The following CSMD1 variants were observed in gnomAD, a reference collection of about 807,000 sequenced individuals.
CSMD1 encodes CUB and Sushi multiple domains 1.
A neutral mutation model predicts 417.5 loss-of-function variants in CSMD1; 213 were observed. The observed-to-expected ratio is 0.51, with a 90% confidence interval of 0.46 to 0.57. The LOEUF is 0.57. Ranked by LOEUF, CSMD1 falls within the 20% of genes least tolerant of loss-of-function variation. The pLI is 0.00. For missense variants in CSMD1, 6,923 were observed against 4,529.7 expected, an observed-to-expected ratio of 1.53 and a Z score of -15.17; for synonymous variants, 2,862 against 1,736.8, an observed-to-expected ratio of 1.65 and a Z score of -16.11.
At chr8:3,750,751 T>C (rs1005867609) in intron 6 of CSMD1, among the ~76,000 whole-genome samples, 7 of 152,130 alleles carry the variant, frequency 4.6e-5, no homozygotes, top group African/African-American at 1.7e-4. Flanking sequence ...TGTGGAGGGC[T>C]GGGTGGCTGG....
intron 1 of CSMD1, among the ~76,000 whole-genome samples, chr8:4,935,943 G>C (rs1336520863): frequency 2.0e-5 from 3 of 152,206 alleles, no homozygotes; most frequent in Non-Finnish European, 4.4e-5. Flanking sequence ...GCTCAGAACA[G>C]TTAGTACTTA....
At chr8:4,280,126 T>C (rs1796699238) in intron 3 of CSMD1, among the ~76,000 whole-genome samples, 1 of 152,204 alleles carries the variant, frequency 6.6e-6, no homozygotes, top group Admixed American at 6.5e-5. Flanking sequence ...ACCGTACACT[T>C]CAAATGTAAA....
chr8:3,614,025 C>A (rs918734112), intron 8 of CSMD1, among the ~76,000 whole-genome samples: 2 of 151,814 alleles, frequency 1.3e-5, no homozygotes, highest in African/African-American at 4.9e-5. Context: ...TCTAGGAAAT[C>A]TATCAAAAAA....
intron 23 of CSMD1, among the ~76,000 whole-genome samples, chr8:3,336,098 C>T (rs546582173): frequency 6.6e-6 from 1 of 152,180 alleles, no homozygotes; most frequent in Non-Finnish European, 1.5e-5. Flanking sequence ...CCCTATCCCT[C>T]CTGAACCATG....
chr8:4,609,270 G>A (rs1285140558), intron 2 of CSMD1, among the ~76,000 whole-genome samples: 1 of 152,094 alleles, frequency 6.6e-6, no homozygotes, highest in Non-Finnish European at 1.5e-5. Context: ...GCATGCTGGT[G>A]TGTGCCTTTG....
At chr8:4,651,554 A>C (rs1585395162) in intron 1 of CSMD1, among the ~76,000 whole-genome samples, 1 of 152,330 alleles carries the variant, frequency 6.6e-6, no homozygotes, top group South Asian at 2.1e-4. Context: ...ATAATTTACT[A>C]TTTTACTTAA....
At chr8:3,778,626 C>A (rs751595024) in intron 5 of CSMD1, among the ~76,000 whole-genome samples, 32 of 152,324 alleles carry the variant, frequency 2.1e-4, no homozygotes, top group Non-Finnish European at 3.8e-4. Context: ...CTGCACCTCT[C>A]CTTCCTGCCT....
At position 4,042,815 on chromosome 8, in the gene CSMD1, T is replaced by TTAAAAAAAAAAA. The variant is rs1487345501; in HGVS notation, c.416-10717_416-10716insTTTTTTTTTTTA. ...CAATAGGTGAAGTGGTACAACATAT[T>TTAAAAAAAAAAA]AAAAAAAAAAAAAAAAAAAAAAAAA... On this transcript the variant is annotated intron_variant, in intron 3 of 69. Coordinates refer to ENST00000635120, the MANE Select transcript of CSMD1 (RefSeq NM_033225.6). Among the ~76,000 whole-genome samples the TTAAAAAAAAAAA allele has an allele frequency of 7.7e-4, 32 of 41,306 alleles. 1 individual carries two copies. The highest frequency in any genetic ancestry group is 1.7e-3 in the South Asian group (1 of 600). 27.1% of individuals were successfully genotyped at this position (41,306 alleles called of 152,430 possible).
chr8:3,281,250 C>T (rs927399700), intron 26 of CSMD1, among the ~76,000 whole-genome samples: 4 of 152,032 alleles, frequency 2.6e-5, no homozygotes, highest in South Asian at 4.1e-4. Context: ...TGACACTAGC[C>T]TGGACAGGAT....
At chr8:3,263,625 A>T (rs1461397222) in intron 26 of CSMD1, among the ~76,000 whole-genome samples, 3 of 152,194 alleles carry the variant, frequency 2.0e-5, no homozygotes, top group Admixed American at 1.3e-4. Context: ...TATATTTTTG[A>T]GAGATTGATA....
intron 12 of CSMD1, among the ~76,000 whole-genome samples, chr8:3,438,169 A>C (rs1349438852): frequency 6.6e-6 from 1 of 152,208 alleles, no homozygotes; most frequent in East Asian, 1.9e-4. Context: ...ATTATTTTTA[A>C]CAAATTTTTG....
rs113339218 is a variant in CSMD1 at position 3,758,142 on chromosome 8, T to G, written c.819-4100A>C. 9.6e-3 allele frequency among the ~76,000 whole-genome samples: 1,454 copies of G among 152,158 alleles called. 27 individuals carry two copies. The highest frequency in any genetic ancestry group is 0.033 in the African/African-American group (1,372 of 41,520). On this transcript the variant is annotated intron_variant, in intron 5 of 69. Coordinates refer to ENST00000635120, the MANE Select transcript of CSMD1 (RefSeq NM_033225.6). Reference sequence around the variant, plus strand: ...CCACACCTGGCTAATTTTTGTATATTTAGTAGAGATGGGATTTCACCATTT... The same window carrying G: ...CCACACCTGGCTAATTTTTGTATATGTAGTAGAGATGGGATTTCACCATTT...
At chr8:4,280,741 C>T (rs1036793560) in intron 3 of CSMD1, among the ~76,000 whole-genome samples, 5 of 152,122 alleles carry the variant, frequency 3.3e-5, no homozygotes, top group Non-Finnish European at 5.9e-5. Context: ...TTGTACTTTC[C>T]TAGTACCCAT....
chr8:3,027,511 TAA>T (rs1221277912), intron 51 of CSMD1, among the ~76,000 whole-genome samples: 1 of 152,232 alleles, frequency 6.6e-6, no homozygotes, highest in East Asian at 1.9e-4. Context: ...ATCATTTTTT[TAA>T]AAGTCAACAA....
intron 1 of CSMD1, among the ~76,000 whole-genome samples, chr8:4,942,030 G>A (rs1243889963): frequency 6.6e-6 from 1 of 152,108 alleles, no homozygotes; most frequent in Non-Finnish European, 1.5e-5. Flanking sequence ...AAATTACCCT[G>A]GGTAAATGGG....
Position 3,491,251 on chromosome 8 carries a change from G to A in CSMD1, c.1448+2372C>T, listed in dbSNP as rs543768723. Among the ~76,000 whole-genome samples, 20 of 152,282 alleles carry A rather than the reference G, an allele frequency of 1.3e-4. No individual in the cohort carries two copies. In the South Asian group the frequency reaches 3.5e-3, roughly 27 times the overall value. ...TCCTGGAGCAGTATCACATCACTGA[G>A]TTGGAATCCCTGCCTCAATGTACAC... On this transcript the variant is annotated intron_variant, in intron 11 of 69. Coordinates refer to ENST00000635120, the MANE Select transcript of CSMD1 (RefSeq NM_033225.6).
rs1258065288 is a variant in CSMD1, at chr8:3,613,198, T to C, written c.1097+3512A>G. 1.1e-5 allele frequency: 3 copies of C among 278,950 alleles called. No homozygotes were observed. In the Admixed American group the frequency reaches 1.4e-4, roughly 13 times the overall value. 17.3% of individuals were successfully genotyped at this position (278,950 alleles called of 1,614,324 possible). ...ATAATTTCTTGAAAGATACACACTA[T>C]CAAAGCTCACTGAAGTAGAAGTAGA... On this transcript the variant is annotated intron_variant, in intron 8 of 69. Coordinates refer to ENST00000635120, the MANE Select transcript of CSMD1 (RefSeq NM_033225.6).
chr8:4,124,785 T>G (rs562878554), intron 3 of CSMD1, among the ~76,000 whole-genome samples: 1 of 152,148 alleles, frequency 6.6e-6, no homozygotes, highest in Non-Finnish European at 1.5e-5. Context: ...ATAGGAAGTT[T>G]AAGCTCTAGT....
chr8:4,139,536 T>G (rs1212644439), intron 3 of CSMD1, among the ~76,000 whole-genome samples: 1 of 151,050 alleles, frequency 6.6e-6, no homozygotes, highest in Admixed American at 6.6e-5. Flanking sequence ...GGAGTGGCAC[T>G]CATCCTGCAC....
Sources: allele counts gnomAD v4.1 joint callset (sites outside exome capture counted in the v4.1 genomes callset), GRCh38; gene constraint gnomAD v4.1.1; transcripts MANE v1.5; gene names NCBI Gene and HGNC (gene_info 2026-07-23, HGNC 2026-07-21).